Variants in RPS6KC1 observed in about 807,000 individuals in gnomAD.
The protein encoded by RPS6KC1 is ribosomal protein S6 kinase C1, also known as inactive ribosomal protein S6 kinase delta-1.
RPS6KC1 carries 54 observed loss-of-function variants against 103.8 expected under a neutral mutation model. That is an observed-to-expected ratio of 0.52 (90% confidence interval 0.42 to 0.65). The LOEUF is 0.65. Ranked by LOEUF, RPS6KC1 falls within the 30% of genes least tolerant of loss-of-function variation. The pLI is 0.00. For synonymous variants in RPS6KC1, 439 were observed against 438.7 expected (o/e 1.00, Z -0.01); for missense variants, 1,151 against 1,253.8 (o/e 0.92, Z 1.24).
At chr1:213,702,246 T>G in the RPS6KC1 span, among the ~76,000 whole-genome samples, 1 of 151,992 alleles carries the variant, frequency 6.6e-6, no homozygotes, top group Non-Finnish European at 1.5e-5. Flanking sequence ...TCATTATTGA[T>G]TTCTAGTTTT....
the RPS6KC1 span, among the ~76,000 whole-genome samples, chr1:213,721,756 C>G: frequency 6.6e-6 from 1 of 152,198 alleles, no homozygotes; most frequent in South Asian, 2.1e-4. Flanking sequence ...TCTCATATAG[C>G]TGGAAGAGGT....
At chr1:213,680,946 T>C in the RPS6KC1 span, among the ~76,000 whole-genome samples, 1 of 152,232 alleles carries the variant, frequency 6.6e-6, no homozygotes, top group East Asian at 1.9e-4. Flanking sequence ...GAAATATGCA[T>C]TAATTGCATT....
intron 12 of RPS6KC1, among the ~76,000 whole-genome samples, chr1:213,248,066 G>A (rs2094483106): frequency 6.6e-6 from 1 of 152,124 alleles, no homozygotes; most frequent in African/African-American, 2.4e-5. Context: ...ATATTTAGAT[G>A]TGATAATTTA....
the RPS6KC1 span, among the ~76,000 whole-genome samples, chr1:213,816,566 G>T: frequency 6.6e-6 from 1 of 152,086 alleles, no homozygotes; most frequent in South Asian, 2.1e-4. Context: ...GCCGCTCATG[G>T]GGTACCTGGG....
chr1:213,842,410 T>C, the RPS6KC1 span, among the ~76,000 whole-genome samples: 1 of 152,220 alleles, frequency 6.6e-6, no homozygotes, highest in South Asian at 2.1e-4. Flanking sequence ...TTTCACTGGC[T>C]AACTGGCAGT....
intron 1 of RPS6KC1, among the ~76,000 whole-genome samples, chr1:213,059,618 A>G (rs1485993097): frequency 1.3e-5 from 2 of 151,890 alleles, no homozygotes; most frequent in Non-Finnish European, 2.9e-5. Flanking sequence ...GGTTCAAGTG[A>G]TTCTCCTGCC....
the RPS6KC1 span, among the ~76,000 whole-genome samples, chr1:213,567,140 T>C: frequency 6.6e-6 from 1 of 152,240 alleles, no homozygotes; most frequent in Non-Finnish European, 1.5e-5. Flanking sequence ...TACAGTAAAG[T>C]TGAACTCAAG....
the RPS6KC1 span, among the ~76,000 whole-genome samples, chr1:213,526,963 T>A: frequency 3.3e-5 from 5 of 152,260 alleles, no homozygotes; most frequent in Non-Finnish European, 7.3e-5. Flanking sequence ...TTTCTGGTAC[T>A]GAGCCAATTC....
At chr1:213,451,883 TC>T in the RPS6KC1 span, among the ~76,000 whole-genome samples, 3,139 of 152,134 alleles carry the variant, frequency 0.021, 53 homozygotes, top group Non-Finnish European at 0.034. Flanking sequence ...CTCCAGGAAT[TC>T]CCCCCTCCAG....
At chr1:213,781,127 G>C in the RPS6KC1 span, among the ~76,000 whole-genome samples, 1 of 152,214 alleles carries the variant, frequency 6.6e-6, no homozygotes, top group South Asian at 2.1e-4. Context: ...AGTGCAGACA[G>C]GTGGAGGCAA....
At chr1:213,295,728 A>G in the RPS6KC1 span, among the ~76,000 whole-genome samples, 1 of 152,194 alleles carries the variant, frequency 6.6e-6, no homozygotes, top group Non-Finnish European at 1.5e-5. Flanking sequence ...ATTCCTACCT[A>G]TATCAGGAAA....
At chr1:213,446,297 T>A in the RPS6KC1 span, among the ~76,000 whole-genome samples, 2 of 152,246 alleles carry the variant, frequency 1.3e-5, no homozygotes, top group Non-Finnish European at 2.9e-5. Context: ...CTATCCATTT[T>A]ATTTAATTCC....
At chr1:213,569,006 A>G in the RPS6KC1 span, among the ~76,000 whole-genome samples, 5 of 152,242 alleles carry the variant, frequency 3.3e-5, no homozygotes, top group Non-Finnish European at 5.9e-5. Context: ...AGGAGAGCAC[A>G]GAGTGCCCTC....
intron 1 of RPS6KC1, among the ~76,000 whole-genome samples, chr1:213,054,231 T>C (rs963541785): frequency 6.6e-6 from 1 of 152,362 alleles, no homozygotes; most frequent in Non-Finnish European, 1.5e-5. Flanking sequence ...GCCTTAGAAC[T>C]AACCACATTT....
the RPS6KC1 span, among the ~76,000 whole-genome samples, chr1:213,749,916 A>G: frequency 6.6e-6 from 1 of 152,204 alleles, no homozygotes; most frequent in Non-Finnish European, 1.5e-5. Context: ...TTAGCGGGGA[A>G]CATCCCCACG....
chr1:213,369,005 G>A, the RPS6KC1 span, among the ~76,000 whole-genome samples: 1 of 144,616 alleles, frequency 6.9e-6, no homozygotes, highest in African/African-American at 2.6e-5. Context: ...GTTGCGTACT[G>A]TCTGTCTCTG....
chr1:213,302,202 C>G, the RPS6KC1 span, among the ~76,000 whole-genome samples: 1 of 152,170 alleles, frequency 6.6e-6, no homozygotes, highest in Non-Finnish European at 1.5e-5. Context: ...AGGAAAGTCT[C>G]TAATGTGAAA....
At chr1:213,267,175 C>T (rs748602415) in intron 14 of RPS6KC1, among the ~76,000 whole-genome samples, 24 of 151,702 alleles carry the variant, frequency 1.6e-4, no homozygotes, top group Non-Finnish European at 3.2e-4. Context: ...TTCTGCTATG[C>T]GTTGGCAGAG....
In RPS6KC1 at chr1:213,257,249, C is replaced by T. The variant is rs368371507; in HGVS notation, c.2912-4309C>T. 1.4e-4 allele frequency among the ~76,000 whole-genome samples: 21 copies of T among 152,222 alleles called. 1 individual carries two copies. In the East Asian group the frequency reaches 2.5e-3, roughly 18 times the overall value. On this transcript the variant is annotated intron_variant, in intron 12 of 14. Transcript: ENST00000366960. ...ATGTAGCTTTTGAGGATCTAGGCTA[C>T]GTTGTTGGTGGCACTTTGGACCTTT...
Sources: allele counts gnomAD v4.1 joint callset (sites outside exome capture counted in the v4.1 genomes callset), GRCh38; gene constraint gnomAD v4.1.1; transcripts MANE v1.5; gene names NCBI Gene and HGNC (gene_info 2026-07-23, HGNC 2026-07-21).